BIRC3: variants seen among roughly 807,000 people sequenced by gnomAD.
The protein encoded by BIRC3 is baculoviral IAP repeat containing 3, also known as baculoviral IAP repeat-containing protein 3.
A neutral mutation model predicts 59.0 loss-of-function variants in BIRC3; 26 were observed. The observed-to-expected ratio is 0.44, with a 90% CI of 0.32 to 0.61. The LOEUF is 0.61. Among genes scored for constraint, BIRC3 ranks in the 20% least tolerant of loss-of-function variants. The pLI, the probability that BIRC3 is intolerant of heterozygous loss-of-function variation, is 0.04. For missense variants in BIRC3, 641 were observed against 711.5 expected, an observed-to-expected ratio of 0.90 and a Z score of 1.13; for synonymous variants, 243 against 249.2, an observed-to-expected ratio of 0.98 and a Z score of 0.24.
rs1951213104 is a variant in BIRC3 at position 102,337,855 on chromosome 11, C to T, written c.*753C>T. The T allele has an allele frequency of 8.7e-6, 2 of 230,192 alleles. No individual in the cohort carries two copies. The highest frequency in any genetic ancestry group is 1.7e-5 in the Non-Finnish European group (2 of 116,266). 14.3% of individuals were successfully genotyped at this position (230,192 alleles called of 1,614,324 possible). A position where few individuals can be genotyped will look rare whatever the true frequency, so the allele number is the denominator to read the frequency against. ...TTATACTCCTTCCCATAAGATGCTT[C>T]TTCATTGACACTTGTAGAACACGGG... On this transcript the variant is annotated 3_prime_UTR_variant, in exon 9 of 9. Transcript: ENST00000263464.
Position 102,325,229 on chromosome 11 carries a change from A to C in BIRC3, c.720A>C (p.Gln240His). The change falls in exon 2 of 9, where the codon CAA (glutamine) becomes CAC (histidine). Residue 240 changes from glutamine (Q) to histidine (H), a missense_variant. Gln to His is a conservative substitution (Grantham distance 24). Around this residue, in one of 4 missense-constraint regions of BIRC3, gnomAD observed 329 missense variants for 365.6 expected, o/e 0.90. Coordinates refer to ENST00000263464, the MANE Select transcript of BIRC3 (RefSeq NM_001165.5). ...GCCCATTTATAGAAAATCAGCTTCA[A>C]GACACTTCAAGATACACAGTTTCTA... ...PKCPFIENQL[Q>H]DTSRYTVSNL... 2 of 1,614,136 alleles carry C rather than the reference A, an allele frequency of 1.2e-6. No individual in the cohort carries two copies. Among genetic ancestry groups the C allele is most frequent in the Non-Finnish European group, 1.7e-6 (2 of 1,180,018 alleles).
chr11:102,317,943 T>C (rs1342792252), intron 1 of BIRC3, among the ~76,000 whole-genome samples: 1 of 152,108 alleles, frequency 6.6e-6, no homozygotes, highest in Admixed American at 6.5e-5. Context: ...AGGAAGGAAG[T>C]AAAACGTTTA....
rs12285558 is a variant in BIRC3 at position 102,329,495 on chromosome 11, C to T, written c.1081+550C>T. Among the ~76,000 whole-genome samples, 842 of 151,976 alleles carry T rather than the reference C, an allele frequency of 5.5e-3. 11 individuals are homozygous for T. The highest frequency in any genetic ancestry group is 0.02 in the African/African-American group (816 of 41,336). ...TATATATTTATTGTATATTGTATATCGCCTGTTCTGAGGAAAGCATAGAGA... is the reference window on the plus strand; with the variant it reads ...TATATATTTATTGTATATTGTATATTGCCTGTTCTGAGGAAAGCATAGAGA... On this transcript the variant is annotated intron_variant, in intron 5 of 8. Transcript: ENST00000263464.
At chr11:102,330,942 A>C (rs1483753988) in intron 5 of BIRC3, 57 bp from the exon 6 acceptor site, 8 of 1,468,590 alleles carry the variant, frequency 5.4e-6, no homozygotes, top group Non-Finnish European at 7.2e-6. Context: ...TTCAAATTTC[A>C]ATTTTTAAGA....
At position 102,323,309 on chromosome 11, in the gene BIRC3, T is replaced by C. The variant is rs536596611; in HGVS notation, c.-1201T>C. 5.2e-6 allele frequency: 1 copy of C among 193,566 alleles called. No homozygotes were observed. Among genetic ancestry groups the C allele is most frequent in the East Asian group, 8.2e-5 (1 of 12,210 alleles). 12.0% of individuals were successfully genotyped at this position (193,566 alleles called of 1,614,324 possible). ...TATCATGATTCTGTTTTTCCAAAAG[T>C]AACCTGAATATAGCAATGAAGTTCA... On this transcript the variant is annotated 5_prime_UTR_variant, in exon 2 of 9. The change abolishes the stop of an existing upstream ORF in the 5' untranslated region. Coordinates refer to ENST00000263464, the MANE Select transcript of BIRC3 (RefSeq NM_001165.5).
Position 102,325,240 on chromosome 11 carries a change from G to A in BIRC3, c.731G>A (p.Arg244Lys), listed in dbSNP as rs765714914. Reference protein sequence around the residue: ...FIENQLQDTSRYTVSNLSMQT... With the variant: ...FIENQLQDTSKYTVSNLSMQT... ...GAAAATCAGCTTCAAGACACTTCAA[G>A]ATACACAGTTTCTAATCTGAGCATG... Residue 244 changes from arginine (R) to lysine (K), a missense_variant, in exon 2 of 9, where the codon AGA (arginine) becomes AAA (lysine). By Grantham distance (26) the Arg-to-Lys change is conservative. Coordinates refer to ENST00000263464, the MANE Select transcript of BIRC3 (RefSeq NM_001165.5). The A allele has an allele frequency of 6.2e-7, 1 of 1,614,130 alleles. No individual in the cohort carries two copies. The highest frequency in any genetic ancestry group is 1.1e-5 in the South Asian group (1 of 91,084).
Position 102,336,786 on chromosome 11 carries a change from A to G in BIRC3, c.1606A>G (p.Thr536Ala). 6.2e-7 allele frequency: 1 copy of G among 1,607,514 alleles called. No homozygotes were observed. The highest frequency in any genetic ancestry group is 8.5e-7 in the Non-Finnish European group (1 of 1,177,240). Reference protein sequence around the residue: ...FVQQDIKYIPTEDVSDLPVEE... With the variant: ...FVQQDIKYIPAEDVSDLPVEE... ...GCAACAGGACATAAAATATATTCCC[A>G]CAGAAGATGTTTCAGGTAATAGTAC... The change falls in exon 8 of 9, where the codon ACA becomes GCA. Residue 536 changes from threonine to alanine, a missense_variant. Transcript: ENST00000263464.
intron 6 of BIRC3, 104 bp downstream of exon 6, chr11:102,331,345 C>T: frequency 8.3e-7 from 1 of 1,209,062 alleles, no homozygotes; most frequent in Non-Finnish European, 1.1e-6. Flanking sequence ...ATACTCAATC[C>T]AGTCAGGTTT....
intron 3 of BIRC3, among the ~76,000 whole-genome samples, chr11:102,327,533 G>A (rs1018587183): frequency 3.9e-5 from 6 of 152,026 alleles, no homozygotes; most frequent in East Asian, 1.9e-4. Flanking sequence ...TCAGCTACTC[G>A]GGAGGCTGAG....
intron 6 of BIRC3, among the ~76,000 whole-genome samples, chr11:102,333,180 C>T (rs939859789): frequency 4.6e-5 from 7 of 152,032 alleles, no homozygotes; most frequent in Non-Finnish European, 8.8e-5. Flanking sequence ...AATGAAAACA[C>T]ATTTAGGTTA....
rs200328626 is a variant in BIRC3 at position 102,328,908 on chromosome 11, A to G, written c.1044A>G (p.Thr348=). 16 of 1,388,050 alleles carry G rather than the reference A, an allele frequency of 1.2e-5. No individual in the cohort carries two copies. The African/African-American group carries it at 2.3e-4, about 20-fold the overall frequency. The allele number at this position is 1,388,050 out of a possible 1,614,324, so 86.0% of individuals were successfully genotyped here. A position where few individuals can be genotyped will look rare whatever the true frequency, so the allele number is the denominator to read the frequency against. Residue 348 remains threonine, a synonymous_variant, in exon 5 of 9, where the codon ACA becomes ACG. Transcript: ENST00000263464. ...TTTTTTTTCTGCAGCTGCTATCCAC[A>G]TCAGACAGCCCAGGAGATGAAAATG... ...YPHLLEQLLS[T]SDSPGDENAE...
intron 6 of BIRC3, among the ~76,000 whole-genome samples, chr11:102,332,780 A>G (rs911940909): frequency 1.3e-5 from 2 of 152,192 alleles, no homozygotes; most frequent in Non-Finnish European, 2.9e-5. Flanking sequence ...TACTCAGTCT[A>G]TAAACCACTA....
In BIRC3 at chr11:102,339,390, A is replaced by T. The variant is rs564961524; in HGVS notation, c.*2288A>T. ...CATTTTGTTTTGGAAAAAATAAATCACCATAGATAATAATGGTAGATCTAT... is the reference window on the plus strand; with the variant it reads ...CATTTTGTTTTGGAAAAAATAAATCTCCATAGATAATAATGGTAGATCTAT... On this transcript the variant is annotated 3_prime_UTR_variant, in exon 9 of 9. Coordinates refer to ENST00000263464, the MANE Select transcript of BIRC3 (RefSeq NM_001165.5). The T allele has an allele frequency of 5.7e-6, 1 of 176,136 alleles. No individual in the cohort carries two copies. The highest frequency in any genetic ancestry group is 2.0e-4 in the South Asian group (1 of 5,032). 10.9% of individuals were successfully genotyped at this position (176,136 alleles called of 1,614,324 possible). A position where few individuals can be genotyped will look rare whatever the true frequency, so the allele number is the denominator to read the frequency against.
Position 102,336,131 on chromosome 11 carries a change from A to G in BIRC3, c.1490A>G (p.Asp497Gly), listed in dbSNP as rs373311655. The G allele has an allele frequency of 1.4e-5, 22 of 1,613,814 alleles. No homozygotes were observed. Among genetic ancestry groups the G allele is most frequent in the Non-Finnish European group, 1.7e-5 (20 of 1,179,906 alleles). ...QTSLQARELI[D>G]TILVKGNIAA... ...TCTTTACAAGCAAGAGAACTGATTG[A>G]TACGATTTTAGTAAAAGGAAATATT... Residue 497 changes from aspartate to glycine, a missense_variant, in exon 7 of 9, where the codon GAT becomes GGT. Asp to Gly is a moderately conservative substitution (Grantham distance 94). Transcript: ENST00000263464.
intron 5 of BIRC3, among the ~76,000 whole-genome samples, chr11:102,329,381 CT>C (rs1296295238): frequency 3.3e-5 from 5 of 152,136 alleles, no homozygotes; most frequent in Non-Finnish European, 5.9e-5. Flanking sequence ...GGTTAAATGA[CT>C]TGTACATCAC....
At chr11:102,330,894 T>C in intron 5 of BIRC3, 105 bp from the exon 6 acceptor site, 14 of 1,214,554 alleles carry the variant, frequency 1.2e-5, no homozygotes, top group Non-Finnish European at 1.6e-5. Flanking sequence ...TGGTTTTACA[T>C]TTTTAATATT....
At chr11:102,336,626 A>T (rs1951199144) in intron 7 of BIRC3, 134 bp from the exon 8 acceptor site, 2 of 844,258 alleles carry the variant, frequency 2.4e-6, no homozygotes, top group Non-Finnish European at 3.7e-6. Context: ...TTAGTTACAT[A>T]AAAAGATTAA....
intron 4 of BIRC3, 93 bp downstream of exon 4, chr11:102,328,223 G>T (rs1002894837): frequency 2.1e-6 from 2 of 934,030 alleles, no homozygotes; most frequent in African/African-American, 3.4e-5. Context: ...AAAGACAAGA[G>T]TTGTTTTAGA....
chr11:102,328,098 G>A lies in BIRC3; in HGVS notation c.1000G>A (p.Val334Ile), dbSNP rs141069802. ...TAAAGGACAGGAGTTCATCCGTCAA[G>A]TTCAAGCCAGTTACCCTCATCTACT... Reference protein sequence around the residue: ...RIKGQEFIRQVQASYPHLLEQ... With the variant: ...RIKGQEFIRQIQASYPHLLEQ... The change falls in exon 4 of 9, where the codon GTT (valine) becomes ATT (isoleucine). Residue 334 changes from valine to isoleucine, a missense_variant. By Grantham distance (29) the Val-to-Ile change is conservative. Transcript: ENST00000263464. The A allele has an allele frequency of 8.9e-5, 143 of 1,609,774 alleles. 2 individuals carry two copies. The highest frequency in any genetic ancestry group is 7.6e-4 in the South Asian group (68 of 89,908).
Sources: gnomAD v4.1 joint callset for allele counts (sites outside exome capture counted in the v4.1 genomes callset) on GRCh38, gnomAD v4.1.1 for gene constraint, gnomAD v4.1.1 regional missense constraint, MANE v1.5 for transcripts, NCBI Gene and HGNC (gene_info 2026-07-23, HGNC 2026-07-21) for gene names.